The following FNDC3B variants were observed in gnomAD, a reference collection of about 807,000 sequenced individuals.
FNDC3B encodes the protein fibronectin type III domain-containing protein 3B.
FNDC3B carries 12 observed loss-of-function variants against 151.5 expected under a neutral mutation model. That is an observed-to-expected ratio of 0.08 (90% CI 0.05 to 0.13). The LOEUF is 0.13. Among genes scored for constraint, FNDC3B ranks in the 10% least tolerant of loss-of-function variants. The probability of loss-of-function intolerance (pLI) is 1.00; values close to 1 mark genes in which losing one functional copy is unlikely to be tolerated. For synonymous variants in FNDC3B, 528 were observed against 549.0 expected (o/e 0.96, Z 0.54); for missense variants, 1,214 against 1,505.3 (o/e 0.81, Z 3.20).
At chr3:172,062,704 C>A (rs1466200492) in intron 1 of FNDC3B, among the ~76,000 whole-genome samples, 1 of 149,146 alleles carries the variant, frequency 6.7e-6, no homozygotes, top group African/African-American at 2.5e-5. Context: ...TTTCTAAGTA[C>A]TTTTTTTTTT....
intron 6 of FNDC3B, among the ~76,000 whole-genome samples, chr3:172,281,436 G>A (rs916023434): frequency 7.2e-5 from 11 of 152,238 alleles, no homozygotes; most frequent in Middle Eastern, 3.4e-3. Context: ...TAAGAAGGCA[G>A]CAATGTAGAA....
At chr3:172,068,311 G>A (rs1432237696) in intron 1 of FNDC3B, among the ~76,000 whole-genome samples, 1 of 152,040 alleles carries the variant, frequency 6.6e-6, no homozygotes, top group Non-Finnish European at 1.5e-5. Flanking sequence ...GCTCGACCAT[G>A]GCTCCCACTT....
At chr3:172,371,428 T>C (rs554884721) in intron 23 of FNDC3B, among the ~76,000 whole-genome samples, 2 of 152,348 alleles carry the variant, frequency 1.3e-5, no homozygotes, top group South Asian at 2.1e-4. Flanking sequence ...AATGTTTCTT[T>C]AATCATTGGT....
chr3:172,337,886 A>AC (rs1398311514), intron 16 of FNDC3B: 2 of 157,922 alleles, frequency 1.3e-5, no homozygotes, highest in Non-Finnish European at 2.8e-5. Flanking sequence ...GCCTCAAGCA[A>AC]CCCTCCACCT....
At chr3:172,122,427 G>A (rs58038881) in intron 2 of FNDC3B, among the ~76,000 whole-genome samples, 7,558 of 152,230 alleles carry the variant, frequency 0.05, 640 homozygotes, top group African/African-American at 0.17. Context: ...ATTTAAATTG[G>A]CATTGGCCAG....
chr3:172,188,398 GT>G (rs1214351169), intron 3 of FNDC3B, among the ~76,000 whole-genome samples: 1 of 148,992 alleles, frequency 6.7e-6, no homozygotes, highest in African/African-American at 2.5e-5. Context: ...ACTGAAGTTG[GT>G]TTTTTGTTTC....
rs553647502 is a variant in FNDC3B at position 172,349,595 on chromosome 3, G to A, written c.2514+2234G>A. 2.2e-4 allele frequency among the ~76,000 whole-genome samples: 34 copies of A among 152,272 alleles called. 1 individual carries two copies. Among genetic ancestry groups the A allele is most frequent in the African/African-American group, 8.2e-4 (34 of 41,560 alleles). On this transcript the variant is annotated intron_variant, in intron 21 of 25. Transcript: ENST00000415807. ...TAGAAAAAGAACATTGGAAGAATTGGTAAGATTCTGATTAGGTCTGTATGT... is the reference window on the plus strand; with the variant it reads ...TAGAAAAAGAACATTGGAAGAATTGATAAGATTCTGATTAGGTCTGTATGT...
intron 9 of FNDC3B, among the ~76,000 whole-genome samples, chr3:172,303,746 A>G (rs781649007): frequency 2.0e-5 from 3 of 151,928 alleles, no homozygotes; most frequent in Non-Finnish European, 2.9e-5. Context: ...AAATTGCAGT[A>G]TTCTTTTAAA....
intron 25 of FNDC3B, among the ~76,000 whole-genome samples, chr3:172,390,506 G>C (rs781592483): frequency 6.0e-5 from 9 of 150,698 alleles, no homozygotes; most frequent in Non-Finnish European, 1.2e-4. Context: ...CTCTAAACTG[G>C]GTTTCTGGGA....
At position 172,257,569 on chromosome 3, in the gene FNDC3B, TACACACACACACAC is replaced by T. The variant is rs10582558; in HGVS notation, c.790+6055_790+6068del. The stretch of plus-strand genomic sequence containing the variant: ...ACCCCTACCACATCACACGCATTCA[TACACACACACACAC>T]ACACACACACACACACACACACACA... On this transcript the variant is annotated intron_variant, in intron 6 of 25. Transcript: ENST00000415807. Among the ~76,000 whole-genome samples, 502 of 143,870 alleles carry T rather than the reference TACACACACACACAC, an allele frequency of 3.5e-3. 6 individuals are homozygous for T. The highest frequency in any genetic ancestry group is 0.012 in the African/African-American group (455 of 39,350). 94.4% of individuals were successfully genotyped at this position (143,870 alleles called of 152,430 possible).
intron 2 of FNDC3B, among the ~76,000 whole-genome samples, chr3:172,125,680 A>G (rs546998274): frequency 2.6e-5 from 4 of 152,332 alleles, no homozygotes; most frequent in South Asian, 4.1e-4. Context: ...TTCTGAGTTT[A>G]CAGAGTAATG....
chr3:172,339,327 G>A, intron 16 of FNDC3B, among the ~76,000 whole-genome samples: 1 of 152,016 alleles, frequency 6.6e-6, no homozygotes, highest in East Asian at 1.9e-4. Context: ...ACTTTAGGAG[G>A]CGAGATGGGT....
intron 1 of FNDC3B, among the ~76,000 whole-genome samples, chr3:172,102,834 C>G (rs1576865288): frequency 6.6e-6 from 1 of 152,368 alleles, no homozygotes; most frequent in African/African-American, 2.4e-5. Flanking sequence ...TTTTCACTAT[C>G]TGACTACAGT....
chr3:172,351,485 C>T (rs565342499), intron 21 of FNDC3B, among the ~76,000 whole-genome samples: 32 of 152,292 alleles, frequency 2.1e-4, no homozygotes, highest in African/African-American at 7.7e-4. Context: ...TGGTGGTGAA[C>T]AGCAGATCAT....
intron 3 of FNDC3B, among the ~76,000 whole-genome samples, chr3:172,170,800 A>G (rs1454137805): frequency 6.6e-6 from 1 of 152,238 alleles, no homozygotes; most frequent in African/African-American, 2.4e-5. Flanking sequence ...ATGAAACAGT[A>G]CCTTCCCATT....
intron 25 of FNDC3B, among the ~76,000 whole-genome samples, chr3:172,385,825 T>G (rs896852287): frequency 1.3e-5 from 2 of 152,216 alleles, no homozygotes; most frequent in Non-Finnish European, 2.9e-5. Flanking sequence ...CCCAAAGTGC[T>G]GGGATTACAG....
At chr3:172,136,178 G>C (rs1393021667) in intron 3 of FNDC3B, among the ~76,000 whole-genome samples, 2 of 152,186 alleles carry the variant, frequency 1.3e-5, no homozygotes, top group African/African-American at 4.8e-5. Context: ...ACAACAGCAA[G>C]GTTAAGTTCC....
intron 3 of FNDC3B, among the ~76,000 whole-genome samples, chr3:172,197,894 T>C (rs369323004): frequency 6.6e-6 from 1 of 152,226 alleles, no homozygotes. Context: ...TCTTCTCCGT[T>C]GTAGAAGTCC....
At chr3:172,049,701 A>G (rs550271760) in intron 1 of FNDC3B, among the ~76,000 whole-genome samples, 13 of 151,976 alleles carry the variant, frequency 8.6e-5, no homozygotes, top group Non-Finnish European at 1.8e-4. Context: ...CTAATTTTGT[A>G]TATTTAGTAG....
Sources: gnomAD v4.1 joint callset for allele counts (sites outside exome capture counted in the v4.1 genomes callset) on GRCh38, gnomAD v4.1.1 for gene constraint, MANE v1.5 for transcripts, NCBI Gene and HGNC (gene_info 2026-07-23, HGNC 2026-07-21) for gene names.